CREB5: variants seen among roughly 807,000 people sequenced by gnomAD.
CREB5 encodes cAMP responsive element binding protein 5, also known as cyclic AMP-responsive element-binding protein 5.
Under a neutral mutation model 57.1 loss-of-function variants are expected in CREB5, and 19 were observed. That is an observed-to-expected ratio of 0.33 (90% CI 0.23 to 0.49). The LOEUF is 0.49. CREB5 is among the 20% of genes least tolerant of loss of function. CREB5 has a pLI of 0.99. For synonymous variants in CREB5, 238 were observed against 238.3 expected (o/e 1.00, Z 0.01); for missense variants, 579 against 671.6 (o/e 0.86, Z 1.52).
At chr7:28,569,243 C>T (rs565585374) in intron 4 of CREB5, among the ~76,000 whole-genome samples, 2 of 151,810 alleles carry the variant, frequency 1.3e-5, no homozygotes, top group African/African-American at 4.8e-5. Flanking sequence ...TGGCTTACTG[C>T]AGCCTCAAAC....
At chr7:28,370,040 A>G (rs1786676215) in intron 1 of CREB5, among the ~76,000 whole-genome samples, 1 of 152,130 alleles carries the variant, frequency 6.6e-6, no homozygotes, top group African/African-American at 2.4e-5. Context: ...GCTCATAGTA[A>G]AACCCATAGC....
intron 5 of CREB5, among the ~76,000 whole-genome samples, chr7:28,613,442 T>G (rs953501862): frequency 3.9e-5 from 6 of 152,204 alleles, no homozygotes; most frequent in Non-Finnish European, 7.3e-5. Flanking sequence ...GAGCCTATCC[T>G]CTTTACGACT....
At chr7:28,410,345 C>G, upstream of CREB5, 1 of 456,682 alleles carries the variant, frequency 2.2e-6, no homozygotes, top group Non-Finnish European at 4.4e-6. Context: ...CCGGCTCGAG[C>G]TTTGGCGGCG....
intron 1 of CREB5, among the ~76,000 whole-genome samples, chr7:28,433,192 A>T (rs1397074948): frequency 6.6e-6 from 1 of 152,132 alleles, no homozygotes; most frequent in Non-Finnish European, 1.5e-5. Flanking sequence ...TATTCCAACG[A>T]GTAGGTGTTG....
At chr7:28,301,598 C>T (rs564206584) in intron 1 of CREB5, among the ~76,000 whole-genome samples, 1 of 152,212 alleles carries the variant, frequency 6.6e-6, no homozygotes, top group South Asian at 2.1e-4. Flanking sequence ...TTAATAAGAT[C>T]CTTATTGTCT....
intron 1 of CREB5, among the ~76,000 whole-genome samples, chr7:28,391,412 G>A (rs541603749): frequency 2.6e-4 from 39 of 152,270 alleles, no homozygotes; most frequent in Non-Finnish European, 4.9e-4. Flanking sequence ...CTAATCGGCC[G>A]TTATGTGCCA....
intron 7 of CREB5, among the ~76,000 whole-genome samples, chr7:28,803,041 T>C (rs1808464136): frequency 1.3e-5 from 2 of 152,270 alleles, no homozygotes; most frequent in South Asian, 4.1e-4. Context: ...AAGAAAATAC[T>C]GACTATCTGA....
chr7:28,495,682 C>T (rs1473372443), intron 3 of CREB5, among the ~76,000 whole-genome samples: 1 of 152,146 alleles, frequency 6.6e-6, no homozygotes, highest in Admixed American at 6.5e-5. Context: ...CACAATATAG[C>T]ATGCATGTGA....
chr7:28,487,262 C>T lies in CREB5; in HGVS notation c.4-913C>T, dbSNP rs184204078. On this transcript the variant is annotated intron_variant, in intron 1 of 10. Coordinates refer to ENST00000357727, the MANE Select transcript of CREB5 (RefSeq NM_182898.4). ...AAACTGCTGACTTCAGTGCCGATTA[C>T]ATTAGTGATCCAACCGCCTCAGATT... Among the ~76,000 whole-genome samples the T allele has an allele frequency of 1.7e-3, 263 of 152,250 alleles. 2 individuals carry two copies. Among genetic ancestry groups the T allele is most frequent in the African/African-American group, 6.1e-3 (253 of 41,544 alleles).
At chr7:28,811,266 G>A (rs757194455) in intron 9 of CREB5, among the ~76,000 whole-genome samples, 65 of 152,192 alleles carry the variant, frequency 4.3e-4, no homozygotes, top group Non-Finnish European at 8.7e-4. Flanking sequence ...TGACCACTTG[G>A]CAAGGATGTG....
chr7:28,311,830 A>G (rs1436834703), intron 1 of CREB5, among the ~76,000 whole-genome samples: 1 of 152,182 alleles, frequency 6.6e-6, no homozygotes, highest in Non-Finnish European at 1.5e-5. Context: ...CCTTCTCCGC[A>G]GCAAAAGCGT....
At chr7:28,727,398 A>G (rs1269344003) in intron 7 of CREB5, among the ~76,000 whole-genome samples, 1 of 152,142 alleles carries the variant, frequency 6.6e-6, no homozygotes, top group African/African-American at 2.4e-5. Context: ...GGGATCTGCT[A>G]GAAAGAAATT....
chr7:28,748,374 T>C (rs771320457), intron 7 of CREB5, among the ~76,000 whole-genome samples: 3 of 152,190 alleles, frequency 2.0e-5, no homozygotes, highest in Non-Finnish European at 4.4e-5. Context: ...GCTGTCACTA[T>C]GAGGAAGAAC....
At chr7:28,320,405 G>A (rs910890934) in intron 1 of CREB5, among the ~76,000 whole-genome samples, 4 of 152,068 alleles carry the variant, frequency 2.6e-5, no homozygotes, top group African/African-American at 7.2e-5. Context: ...GTGGCTGCAG[G>A]GATAAAAGCC....
At chr7:28,362,829 G>A (rs1284404487) in intron 1 of CREB5, among the ~76,000 whole-genome samples, 1 of 152,192 alleles carries the variant, frequency 6.6e-6, no homozygotes, top group African/African-American at 2.4e-5. Flanking sequence ...GATGAAGCTG[G>A]TTAAAAGTTT....
At chr7:28,327,148 CAAAA>C (rs751999998) in intron 1 of CREB5, among the ~76,000 whole-genome samples, 4 of 69,214 alleles carry the variant, frequency 5.8e-5, no homozygotes, top group Non-Finnish European at 8.3e-5. Context: ...GACTCCATCT[CAAAA>C]AAAAAAAAAA....
intron 4 of CREB5, among the ~76,000 whole-genome samples, chr7:28,551,477 A>G (rs1794639556): frequency 6.6e-6 from 1 of 152,184 alleles, no homozygotes; most frequent in African/African-American, 2.4e-5. Flanking sequence ...ATTCTCAGCC[A>G]ACTGGTGACT....
chr7:28,514,432 G>A (rs138430661), intron 4 of CREB5, among the ~76,000 whole-genome samples: 2,615 of 152,132 alleles, frequency 0.017, 71 homozygotes, highest in African/African-American at 0.06. Context: ...GTCTTACTCT[G>A]TGGCCCAGGC....
intron 7 of CREB5, among the ~76,000 whole-genome samples, chr7:28,787,340 C>G (rs963368599): frequency 2.0e-5 from 3 of 152,170 alleles, no homozygotes; most frequent in Non-Finnish European, 4.4e-5. Context: ...ATTCTAGATG[C>G]AGCTGAGTGC....
Sources: gnomAD v4.1 joint callset for allele counts (sites outside exome capture counted in the v4.1 genomes callset) on GRCh38, gnomAD v4.1.1 for gene constraint, MANE v1.5 for transcripts, NCBI Gene and HGNC (gene_info 2026-07-23, HGNC 2026-07-21) for gene names.